Variants in SMPD4 observed in about 807,000 individuals in gnomAD.
The protein encoded by SMPD4 is sphingomyelin phosphodiesterase 4.
In SMPD4, 58 loss-of-function variants were observed where a neutral mutation model predicts 97.8. The observed-to-expected ratio is 0.59, with a 90% CI of 0.48 to 0.74. The LOEUF is 0.74. Among genes scored for constraint, SMPD4 ranks in the 30% least tolerant of loss-of-function variants. The pLI is 0.00. For synonymous variants in SMPD4, 388 were observed against 450.0 expected, an observed-to-expected ratio of 0.86 and a Z score of 1.74; for missense variants, 853 against 1,080.5, an observed-to-expected ratio of 0.79 and a Z score of 2.95.
At chr2:130,152,987 C>T (rs1176518315) in intron 19 of SMPD4, 56 bp downstream of exon 19, 1 of 1,573,746 alleles carries the variant, frequency 6.4e-7, no homozygotes, top group Non-Finnish European at 8.6e-7. Context: ...GCACCCCAGG[C>T]AGGAGCATCT....
In SMPD4 at chr2:130,152,232, T is replaced by G; in HGVS notation, c.*323A>C. ...GGCTCCCAAGCTTGGTGCAGCAGAG[T>G]AGCCAAATGGGCAGTGGAAAAAAGG... On this transcript the variant is annotated 3_prime_UTR_variant, in exon 20 of 20. Coordinates refer to ENST00000680298, the MANE Select transcript of SMPD4 (RefSeq NM_017951.5). 1 of 272,320 alleles carries G rather than the reference T, an allele frequency of 3.7e-6. No homozygotes were observed. Among genetic ancestry groups the G allele is most frequent in the Non-Finnish European group, 7.0e-6 (1 of 142,830 alleles). The allele number at this position is 272,320 out of a possible 1,614,324, so 16.9% of individuals were successfully genotyped here.
At position 130,181,517 on chromosome 2, in the gene SMPD4, C is replaced by G; in HGVS notation, c.-46+13G>C. On this transcript the variant is annotated intron_variant, in intron 1 of 19. Transcript: ENST00000680298. ...CGCCGGACCGTCTCAGGCGCGCATC[C>G]CGCGCCACTCACCTGTGGGATCCAT... 1 of 1,598,896 alleles carries G rather than the reference C, an allele frequency of 6.3e-7. No individual in the cohort carries two copies. Among genetic ancestry groups the G allele is most frequent in the African/African-American group, 1.3e-5 (1 of 74,834 alleles).
At chr2:130,179,122 C>CTTT (rs772317420) in intron 1 of SMPD4, among the ~76,000 whole-genome samples, 44 of 133,838 alleles carry the variant, frequency 3.3e-4, no homozygotes, top group Admixed American at 1.1e-3. Context: ...TTTTTCAATT[C>CTTT]TTTTTTTTTT....
chr2:130,159,976 T>C (rs1573681308), intron 11 of SMPD4, among the ~76,000 whole-genome samples: 1 of 152,156 alleles, frequency 6.6e-6, no homozygotes, highest in African/African-American at 2.4e-5. Context: ...CTCAGGCTAT[T>C]TTCCCATAGG....
chr2:130,168,576 A>G (rs540362344), intron 8 of SMPD4, among the ~76,000 whole-genome samples: 2 of 151,982 alleles, frequency 1.3e-5, no homozygotes, highest in African/African-American at 2.4e-5. Context: ...CTGGAGTGCA[A>G]TGATGCAATC....
intron 1 of SMPD4, 34 bp downstream of exon 1, chr2:130,181,496 G>A (rs1481343399): frequency 1.9e-6 from 3 of 1,580,080 alleles, no homozygotes; most frequent in Non-Finnish European, 1.7e-6. Flanking sequence ...CCAGGGCGCC[G>A]GACCGTCTCA....
At chr2:130,171,908 C>A (rs1160186783) in intron 8 of SMPD4, among the ~76,000 whole-genome samples, 1 of 152,260 alleles carries the variant, frequency 6.6e-6, no homozygotes, top group Non-Finnish European at 1.5e-5. Flanking sequence ...CCTGTGCAGG[C>A]ACGCATCAGG....
chr2:130,155,462 C>T (rs1686686734), intron 14 of SMPD4, among the ~76,000 whole-genome samples: 2 of 152,252 alleles, frequency 1.3e-5, no homozygotes, highest in South Asian at 4.1e-4. Context: ...CCCAGGCCCT[C>T]TGAGGATGCC....
intron 11 of SMPD4, among the ~76,000 whole-genome samples, chr2:130,158,841 C>A (rs1687103298): frequency 6.6e-6 from 1 of 152,160 alleles, no homozygotes; most frequent in South Asian, 2.1e-4. Flanking sequence ...GTGCAGGGCC[C>A]AGCCTCCAGG....
chr2:130,179,999 T>G (rs2104935661), intron 1 of SMPD4, among the ~76,000 whole-genome samples: 1 of 144,790 alleles, frequency 6.9e-6, no homozygotes, highest in Middle Eastern at 3.7e-3. Context: ...GGTCTCGCTC[T>G]GTCGCCCAGA....
chr2:130,181,756 A>G (rs765757501), upstream of SMPD4: 17 of 1,548,168 alleles, frequency 1.1e-5, no homozygotes, highest in East Asian at 3.9e-4. Flanking sequence ...AGTGGTCCTT[A>G]GCTGAATGCG....
chr2:130,176,444 C>T lies in SMPD4; in HGVS notation c.39+110G>A, dbSNP rs1688986747. 7 of 797,360 alleles carry T rather than the reference C, an allele frequency of 8.8e-6. No homozygotes were observed. In the Admixed American group the frequency reaches 9.3e-5, roughly 11 times the overall value. The allele number at this position is 797,360 out of a possible 1,614,324, so 49.4% of individuals were successfully genotyped here. A position where few individuals can be genotyped will look rare whatever the true frequency, so the allele number is the denominator to read the frequency against. On this transcript the variant is annotated intron_variant, in intron 2 of 19. Transcript: ENST00000680298. ...TCTGCCATTGTTTCCATCACATGCC[C>T]CTAAAAAACAACCACTACAGAGTTC... is the stretch of plus-strand genomic sequence containing the variant.
chr2:130,172,369 G>A lies in SMPD4; in HGVS notation c.639C>T (p.Thr213=), dbSNP rs369901842. 4.3e-5 allele frequency: 69 copies of A among 1,599,794 alleles called. No individual in the cohort carries two copies. The highest frequency in any genetic ancestry group is 2.0e-4 in the Middle Eastern group (1 of 4,934). Residue 213 remains threonine, a synonymous_variant, in exon 8 of 20, where the codon ACC becomes ACT. Coordinates refer to ENST00000680298, the MANE Select transcript of SMPD4 (RefSeq NM_017951.5). ...CTTACCTGGGAGGTGGTGAGGGGCT[G>A]GTCCCCCCTGGGCTGGAGGAGAGTG... is the stretch of plus-strand genomic sequence containing the variant. ...PPPLSSSPGG[T]SPSPPPRTPA...
rs1465711848 is a variant in SMPD4, at chr2:130,152,321, G to C, written c.*234C>G. The C allele has an allele frequency of 5.4e-6, 3 of 554,730 alleles. No homozygotes were observed. Among genetic ancestry groups the C allele is most frequent in the Non-Finnish European group, 9.6e-6 (3 of 313,746 alleles). 34.4% of individuals were successfully genotyped at this position (554,730 alleles called of 1,614,324 possible). On this transcript the variant is annotated 3_prime_UTR_variant, in exon 20 of 20. Transcript: ENST00000680298. ...GAGGGAAAGGCCGCCGCTGAGCTCT[G>C]CGCTGTCACAGAGCGTAGCTGTTGA...
Position 130,152,354 on chromosome 2 carries a change from C to T in SMPD4, c.*201G>A, listed in dbSNP as rs951908559. 4.9e-6 allele frequency: 3 copies of T among 616,238 alleles called. No homozygotes were observed. Among genetic ancestry groups the T allele is most frequent in the Middle Eastern group, 4.4e-4 (1 of 2,274 alleles). 38.2% of individuals were successfully genotyped at this position (616,238 alleles called of 1,614,324 possible). ...ACAGAGCGTAGCTGTTGAGCCCTGG[C>T]AGCTACTCCTTTGCTGGGGCCCACC... On this transcript the variant is annotated 3_prime_UTR_variant, in exon 20 of 20. Transcript: ENST00000680298.
intron 8 of SMPD4, among the ~76,000 whole-genome samples, chr2:130,170,623 G>C (rs891198882): frequency 3.3e-5 from 5 of 151,904 alleles, no homozygotes; most frequent in Admixed American, 6.6e-5. Context: ...TAAAAGCTAG[G>C]TGTGGGGGTG....
chr2:130,159,060 T>A (rs1392517554), intron 11 of SMPD4, among the ~76,000 whole-genome samples: 1 of 151,828 alleles, frequency 6.6e-6, no homozygotes, highest in Non-Finnish European at 1.5e-5. Context: ...AGTGTCGTGG[T>A]CTCGGCTCAC....
chr2:130,168,029 T>C (rs750340033), intron 8 of SMPD4, among the ~76,000 whole-genome samples: 1 of 152,118 alleles, frequency 6.6e-6, no homozygotes, highest in Non-Finnish European at 1.5e-5. Flanking sequence ...AATGAGAACC[T>C]ATCTCCACAA....
At position 130,152,770 on chromosome 2, in the gene SMPD4, G is replaced by C. The variant is rs200524745; in HGVS notation, c.2269C>G (p.Arg757Gly). Residue 757 changes from arginine (R) to glycine (G), a missense_variant, in exon 20 of 20, where the codon CGG becomes GGG. Physicochemically the swap from Arg to Gly is moderately radical, Grantham distance 125. Coordinates refer to ENST00000680298, the MANE Select transcript of SMPD4 (RefSeq NM_017951.5). Reference protein sequence around the residue: ...ASRHLLSPVGRRQVAGHTRGP... With the variant: ...ASRHLLSPVGGRQVAGHTRGP... ...CGGGTGTGGCCGGCCACCTGCCTCC[G>C]CCCCACAGGGCTCAGCAGGTGCCTG... 4.7e-5 allele frequency: 75 copies of C among 1,606,480 alleles called. No homozygotes were observed. Among genetic ancestry groups the C allele is most frequent in the Non-Finnish European group, 6.4e-5 (75 of 1,177,614 alleles).
Sources: gnomAD v4.1 joint callset for allele counts (sites outside exome capture counted in the v4.1 genomes callset) on GRCh38, gnomAD v4.1.1 for gene constraint, MANE v1.5 for transcripts, NCBI Gene and HGNC (gene_info 2026-07-23, HGNC 2026-07-21) for gene names.